VAMP7: variants seen among roughly 807,000 people sequenced by gnomAD.
The protein encoded by VAMP7 is vesicle associated membrane protein 7.
Under a neutral mutation model 29.6 loss-of-function variants are expected in VAMP7, and 14 were observed. The ratio of observed to expected loss-of-function variants is 0.47; its 90% CI spans 0.31 to 0.74. VAMP7 has a LOEUF of 0.74. Among genes scored for constraint, VAMP7 ranks in the 30% least tolerant of loss-of-function variants. The probability of loss-of-function intolerance (pLI) is 0.05; values close to 1 mark genes in which losing one functional copy is unlikely to be tolerated. For missense variants in VAMP7, 223 were observed against 262.4 expected, an observed-to-expected ratio of 0.85 and a Z score of 1.04; for synonymous variants, 95 against 88.1, an observed-to-expected ratio of 1.08 and a Z score of -0.44.
intron 5 of VAMP7, among the ~76,000 whole-genome samples, chrX:155,907,855 G>A (rs1281754115): frequency 4.6e-5 from 7 of 151,976 alleles, no homozygotes; most frequent in South Asian, 2.1e-4. Flanking sequence ...GGCGGCTGCC[G>A]GGTGGAGGGT....
chrX:155,924,380 C>T (rs2066439707), intron 6 of VAMP7, among the ~76,000 whole-genome samples: 1 of 152,132 alleles, frequency 6.6e-6, no homozygotes, highest in Non-Finnish European at 1.5e-5. Context: ...TCCATCACTA[C>T]TAGCTATTTC....
intron 6 of VAMP7, among the ~76,000 whole-genome samples, chrX:155,931,932 C>T (rs1346559641): frequency 6.6e-6 from 1 of 152,142 alleles, no homozygotes; most frequent in African/African-American, 2.4e-5. Context: ...ATATGGCTAG[C>T]CAGTTTTCCC....
chrX:155,935,217 T>G (rs1392237405), intron 6 of VAMP7, among the ~76,000 whole-genome samples: 1 of 152,140 alleles, frequency 6.6e-6, no homozygotes, highest in Non-Finnish European at 1.5e-5. Context: ...TGTGGCGTTC[T>G]CTGTATTTCC....
At chrX:155,919,165 C>T (rs1387743464) in intron 5 of VAMP7, among the ~76,000 whole-genome samples, 1 of 152,116 alleles carries the variant, frequency 6.6e-6, no homozygotes, top group Non-Finnish European at 1.5e-5. Flanking sequence ...TAGTTCTTCT[C>T]TGTAAGTTTC....
intron 3 of VAMP7, among the ~76,000 whole-genome samples, chrX:155,896,019 C>T (rs765498342): frequency 9.2e-5 from 14 of 152,294 alleles, no homozygotes; most frequent in African/African-American, 3.4e-4. Context: ...CATTCACCCT[C>T]CCCCAGTCCT....
chrX:155,881,758 A>G (rs779281495), intron 1 of VAMP7, among the ~76,000 whole-genome samples: 17 of 152,262 alleles, frequency 1.1e-4, no homozygotes, highest in Middle Eastern at 6.8e-3. Flanking sequence ...AAATCTCTTG[A>G]GATCGCCAGA....
rs949559879 is a variant in VAMP7, at chrX:155,883,877, A to AT, written c.-10+2438dup. On this transcript the variant is annotated intron_variant, in intron 1 of 7. Coordinates refer to ENST00000286448, the MANE Select transcript of VAMP7 (RefSeq NM_005638.6). ...AGGTGCACACCACCACGCCTGACTA[A>AT]TTTTTTTTTGTATTTTTAGTAGAGA... is the stretch of plus-strand genomic sequence containing the variant. Among the ~76,000 whole-genome samples, 42 of 148,542 alleles carry AT rather than the reference A, an allele frequency of 2.8e-4. 1 individual carries two copies. Among genetic ancestry groups the AT allele is most frequent in the African/African-American group, 9.9e-4 (40 of 40,262 alleles).
At chrX:155,906,278 GC>G (rs2066145960) in intron 5 of VAMP7, among the ~76,000 whole-genome samples, 1 of 152,124 alleles carries the variant, frequency 6.6e-6, no homozygotes, top group African/African-American at 2.4e-5. Context: ...AGTCCGGCCA[GC>G]TTTTAGCAGG....
intron 6 of VAMP7, among the ~76,000 whole-genome samples, chrX:155,931,884 A>G (rs759710067): frequency 6.6e-6 from 1 of 152,300 alleles, no homozygotes; most frequent in East Asian, 1.9e-4. Context: ...TAATTTTAGT[A>G]TAAGGTGTAA....
rs372831320 is a variant in VAMP7 at position 155,899,558 on chromosome X, G to A, written c.343-939G>A. 4.1e-3 allele frequency among the ~76,000 whole-genome samples: 519 copies of A among 126,484 alleles called. 1 individual carries two copies. The highest frequency in any genetic ancestry group is 0.014 in the African/African-American group (479 of 33,380). The allele number at this position is 126,484 out of a possible 152,430, so 83.0% of individuals were successfully genotyped here. On this transcript the variant is annotated intron_variant, in intron 4 of 7. Coordinates refer to ENST00000286448, the MANE Select transcript of VAMP7 (RefSeq NM_005638.6). ...AAATTTTATGCACACACACACACAC[G>A]CACACACATACTCTTCTGGCAATAA... is the stretch of plus-strand genomic sequence containing the variant.
At chrX:155,904,744 G>C (rs1185554130) in intron 5 of VAMP7, among the ~76,000 whole-genome samples, 2 of 151,872 alleles carry the variant, frequency 1.3e-5, no homozygotes, top group Admixed American at 1.3e-4. Flanking sequence ...CATTCATGTC[G>C]TAGCATAAAT....
chrX:155,904,906 TTA>T (rs34271430), intron 5 of VAMP7, among the ~76,000 whole-genome samples: 93,067 of 145,402 alleles, frequency 0.64, 30,101 homozygotes, highest in African/African-American at 0.75. Context: ...ATATTATATA[TTA>T]TATATATATA....
At chrX:155,902,628 A>T (rs1045922729) in intron 5 of VAMP7, among the ~76,000 whole-genome samples, 227 of 152,158 alleles carry the variant, frequency 1.5e-3, no homozygotes, top group African/African-American at 5.2e-3. Flanking sequence ...TGAGATAATC[A>T]TGTGGTTTTT....
At chrX:155,906,214 C>A in intron 5 of VAMP7, among the ~76,000 whole-genome samples, 1 of 152,258 alleles carries the variant, frequency 6.6e-6, no homozygotes, top group East Asian at 1.9e-4. Context: ...AGCAAAGAAT[C>A]CTGCTAATAC....
chrX:155,940,446 G>A (rs1388652867), intron 7 of VAMP7, among the ~76,000 whole-genome samples: 1 of 152,142 alleles, frequency 6.6e-6, no homozygotes, highest in Non-Finnish European at 1.5e-5. Context: ...TCATAGATCT[G>A]TAGATTTTAT....
intron 1 of VAMP7, among the ~76,000 whole-genome samples, chrX:155,881,997 T>G (rs2065808157): frequency 6.6e-6 from 1 of 152,198 alleles, no homozygotes. Flanking sequence ...CCAATGTTTA[T>G]CAAATTCTGA....
At chrX:155,904,020 C>T (rs1357231011) in intron 5 of VAMP7, among the ~76,000 whole-genome samples, 5 of 151,896 alleles carry the variant, frequency 3.3e-5, no homozygotes, top group Non-Finnish European at 7.4e-5. Context: ...GAATACTATG[C>T]AGCCATAAAA....
intron 5 of VAMP7, among the ~76,000 whole-genome samples, chrX:155,908,898 C>T (rs776900240): frequency 2.0e-5 from 3 of 152,142 alleles, no homozygotes; most frequent in African/African-American, 7.2e-5. Context: ...GGGTTACCTG[C>T]AGCCTTGACC....
intron 6 of VAMP7, among the ~76,000 whole-genome samples, chrX:155,936,066 G>C (rs1268215524): frequency 3.4e-5 from 1 of 29,302 alleles, no homozygotes; most frequent in Non-Finnish European, 6.0e-5. Context: ...TGGAGGTTTT[G>C]TCTCAGAGGG....
Sources: allele counts gnomAD v4.1 joint callset (sites outside exome capture counted in the v4.1 genomes callset), GRCh38; gene constraint gnomAD v4.1.1; transcripts MANE v1.5; gene names NCBI Gene and HGNC (gene_info 2026-07-23, HGNC 2026-07-21).